NFIB: variants seen among roughly 807,000 people sequenced by gnomAD.
NFIB encodes nuclear factor I B, also known as nuclear factor 1 B-type.
Under a neutral mutation model 61.5 loss-of-function variants are expected in NFIB, and 11 were observed. The ratio of observed to expected loss-of-function variants is 0.18; its 90% CI spans 0.11 to 0.30. The LOEUF (loss-of-function observed/expected upper bound fraction) is 0.30. Ranked by LOEUF, NFIB falls within the 10% of genes least tolerant of loss-of-function variation. The pLI is 1.00. For missense variants in NFIB, 471 were observed against 608.9 expected, an observed-to-expected ratio of 0.77 and a Z score of 2.38; for synonymous variants, 260 against 216.5, an observed-to-expected ratio of 1.20 and a Z score of -1.76.
chr9:14,310,188 GCA>G (rs1345707822), intron 1 of NFIB, among the ~76,000 whole-genome samples: 5 of 152,174 alleles, frequency 3.3e-5, no homozygotes, highest in South Asian at 4.1e-4. Context: ...CTTAGCAAAT[GCA>G]CACAGTTTTT....
At chr9:14,493,126 C>T in the NFIB span, among the ~76,000 whole-genome samples, 1 of 152,328 alleles carries the variant, frequency 6.6e-6, no homozygotes, top group African/African-American at 2.4e-5. Flanking sequence ...TGCTCTCTCT[C>T]TTTTATTACA....
At chr9:14,370,590 C>G (rs2061347595) in intron 1 of NFIB, among the ~76,000 whole-genome samples, 1 of 152,208 alleles carries the variant, frequency 6.6e-6, no homozygotes, top group Non-Finnish European at 1.5e-5. Context: ...TAGGCACAAC[C>G]TGGTTCCATA....
chr9:14,147,476 C>G (rs953908122), intron 5 of NFIB, among the ~76,000 whole-genome samples: 1 of 151,668 alleles, frequency 6.6e-6, no homozygotes, highest in Non-Finnish European at 1.5e-5. Flanking sequence ...AGTAATAACC[C>G]TATCATTAAT....
Position 14,398,552 on chromosome 9 carries a change from C to G in NFIB, c.80G>C (p.Arg27Thr). 3.3e-6 allele frequency: 5 copies of G among 1,535,362 alleles called. No individual in the cohort carries two copies. The South Asian group carries it at 4.8e-5, about 15-fold the overall frequency. The stretch of plus-strand genomic sequence containing the variant: ...AAATCCAAAGCACAGAGTTGACATT[C>G]TTTTAGGAATCCCAGGGTTACATTT... The change falls in exon 1 of 9, where the codon AGA becomes ACA. Residue 27 changes from arginine to threonine, a missense_variant. By Grantham distance (71) the Arg-to-Thr change is moderately conservative. Coordinates refer to the NFIB transcript ENST00000380934.
chr9:14,125,906 A>C, intron 6 of NFIB, 140 bp from the exon 7 acceptor site: 1 of 1,141,060 alleles, frequency 8.8e-7, no homozygotes, highest in Non-Finnish European at 1.2e-6. Context: ...TCTGAGTGTC[A>C]ACGATCCAGC....
intron 2 of NFIB, among the ~76,000 whole-genome samples, chr9:14,259,521 T>C (rs2056545004): frequency 6.6e-6 from 1 of 152,192 alleles, no homozygotes. Context: ...GTTTCTCACA[T>C]AAGCATGGGC....
intron 2 of NFIB, among the ~76,000 whole-genome samples, chr9:14,248,408 T>C (rs34252464): frequency 0.083 from 12,611 of 151,382 alleles, 761 homozygotes; most frequent in African/African-American, 0.17. Flanking sequence ...GTAGCTGGGA[T>C]TACAGGCATA....
At chr9:14,468,234 G>A in the NFIB span, among the ~76,000 whole-genome samples, 1 of 152,208 alleles carries the variant, frequency 6.6e-6, no homozygotes, top group Non-Finnish European at 1.5e-5. Flanking sequence ...TTTAAGAAGA[G>A]TGAATGAATA....
At chr9:14,516,687 G>A in the NFIB span, among the ~76,000 whole-genome samples, 1 of 152,118 alleles carries the variant, frequency 6.6e-6, no homozygotes, top group Non-Finnish European at 1.5e-5. Context: ...ATTAGGCCTT[G>A]TAAGAGAAAA....
the NFIB span, among the ~76,000 whole-genome samples, chr9:14,474,293 G>A: frequency 6.6e-6 from 1 of 152,102 alleles, no homozygotes; most frequent in Non-Finnish European, 1.5e-5. Context: ...TTCATGGATG[G>A]CTGCCTTCTT....
chr9:14,507,722 G>C, the NFIB span, among the ~76,000 whole-genome samples: 2 of 152,148 alleles, frequency 1.3e-5, no homozygotes, highest in Admixed American at 1.3e-4. Context: ...TTTTTGAGGA[G>C]AGTGAGAAGA....
chr9:14,458,003 C>G, the NFIB span, among the ~76,000 whole-genome samples: 1 of 152,176 alleles, frequency 6.6e-6, no homozygotes, highest in Non-Finnish European at 1.5e-5. Flanking sequence ...GGGAATCCTC[C>G]CTAATTCACT....
intron 10 of NFIB, chr9:14,096,757 C>T (rs990177538): frequency 3.9e-5 from 6 of 152,162 alleles, no homozygotes; most frequent in African/African-American, 9.7e-5. Flanking sequence ...TCGATTCAAA[C>T]GTAAACTTTT....
chr9:14,112,286 T>G (rs1039245128), intron 10 of NFIB, among the ~76,000 whole-genome samples: 31 of 152,198 alleles, frequency 2.0e-4, no homozygotes, highest in African/African-American at 7.5e-4. Context: ...ATTTCTACAT[T>G]GGTATGGTCC....
chr9:14,106,200 T>A (rs1268591346), intron 10 of NFIB, among the ~76,000 whole-genome samples: 1 of 152,126 alleles, frequency 6.6e-6, no homozygotes, highest in Non-Finnish European at 1.5e-5. Context: ...TTGTCTGTTT[T>A]CATGTGGAGG....
rs72698746 is a variant in NFIB, at chr9:14,116,328, C to G, written c.1264G>C (p.Val422Leu). The change falls in exon 9 of 11, where the codon GTA becomes CTA. Residue 422 changes from valine to leucine, a missense_variant. Val to Leu is a conservative substitution (Grantham distance 32). Around this residue, in one of 2 missense-constraint regions of NFIB, gnomAD observed 372 missense variants for 395.6 expected, o/e 0.94. Coordinates refer to ENST00000380953, the MANE Select transcript of NFIB (RefSeq NM_001190737.2). ...AAATGGCCAGGCACTTTCCCTACTA[C>G]TTGACCACTGCCGTTAGGCTACAAA... ...QTSQPNGSGQ[V>L]VGKVPGHFTP... The G allele has an allele frequency of 2.7e-3, 4,047 of 1,523,380 alleles. 4 individuals carry two copies. The highest frequency in any genetic ancestry group is 3.3e-3 in the Non-Finnish European group (3,798 of 1,134,282). 94.4% of individuals were successfully genotyped at this position (1,523,380 alleles called of 1,614,324 possible). A position where few individuals can be genotyped will look rare whatever the true frequency, so the allele number is the denominator to read the frequency against.
intron 2 of NFIB, among the ~76,000 whole-genome samples, chr9:14,200,868 T>TA (rs1319711889): frequency 4.6e-5 from 7 of 152,184 alleles, no homozygotes; most frequent in Non-Finnish European, 8.8e-5. Context: ...ACCTCTTCTT[T>TA]AACTGCAAAA....
intron 1 of NFIB, among the ~76,000 whole-genome samples, chr9:14,332,737 C>G (rs1341989234): frequency 6.6e-6 from 1 of 152,164 alleles, no homozygotes; most frequent in African/African-American, 2.4e-5. Flanking sequence ...AAGTGAATGC[C>G]TGCTGTGCCC....
At chr9:14,349,745 C>T (rs1647369577) in intron 1 of NFIB, among the ~76,000 whole-genome samples, 1 of 152,204 alleles carries the variant, frequency 6.6e-6, no homozygotes, top group Non-Finnish European at 1.5e-5. Flanking sequence ...ACAGCGAGGA[C>T]TGATGGGCTA....
Sources: allele counts gnomAD v4.1 joint callset (sites outside exome capture counted in the v4.1 genomes callset), GRCh38; gene constraint gnomAD v4.1.1; regional missense constraint gnomAD v4.1.1; transcripts MANE v1.5; gene names NCBI Gene and HGNC (gene_info 2026-07-23, HGNC 2026-07-21).